Variants in MSL2 observed in about 807,000 individuals in gnomAD.
The protein encoded by MSL2 is E3 ubiquitin-protein ligase MSL2.
A neutral mutation model predicts 35.8 loss-of-function variants in MSL2; 2 were observed. That is an observed-to-expected ratio of 0.06 (90% confidence interval 0.02 to 0.18). The LOEUF (loss-of-function observed/expected upper bound fraction) is 0.18, where lower values mean the gene tolerates loss of function less well. MSL2 is among the 10% of genes least tolerant of loss of function. The pLI, the probability that MSL2 is intolerant of heterozygous loss-of-function variation, is 1.00. For missense variants in MSL2, 523 were observed against 706.7 expected, an observed-to-expected ratio of 0.74 and a Z score of 2.95; for synonymous variants, 296 against 255.7, an observed-to-expected ratio of 1.16 and a Z score of -1.50.
At chr3:136,174,523 G>A (rs1450600833) in intron 1 of MSL2, among the ~76,000 whole-genome samples, 3 of 152,190 alleles carry the variant, frequency 2.0e-5, no homozygotes, top group Non-Finnish European at 4.4e-5. Context: ...TTGGAAAGAA[G>A]AAATAGGAAC....
Position 136,172,364 on chromosome 3 carries a change from T to C in MSL2, c.143-19626A>G, listed in dbSNP as rs998367289. Among the ~76,000 whole-genome samples, 2 of 152,014 alleles carry C rather than the reference T, an allele frequency of 1.3e-5. 1 individual carries two copies. The highest frequency in any genetic ancestry group is 4.8e-5 in the African/African-American group (2 of 41,378). On this transcript the variant is annotated intron_variant, in intron 1 of 1. Transcript: ENST00000309993. Reference sequence around the variant, plus strand: ...AATGCTTTGGCTCACATACCTCCCATACTCCCCCCACCCAGTTACCTATAC... The same window carrying C: ...AATGCTTTGGCTCACATACCTCCCACACTCCCCCCACCCAGTTACCTATAC...
In MSL2 at chr3:136,148,981, CAGTGAGAAT is replaced by C; in HGVS notation, c.*2157_*2165del. 1 of 152,410 alleles carries C rather than the reference CAGTGAGAAT, an allele frequency of 6.6e-6. No homozygotes were observed. The allele number at this position is 152,410 out of a possible 1,614,324, so 9.4% of individuals were successfully genotyped here. Reference sequence around the variant, plus strand: ...GTAATACAGGTTTCCAAAAATGTGGCAGTGAGAATACCAGCATAAAAAAGAGAAACTTGT... The same window carrying C: ...GTAATACAGGTTTCCAAAAATGTGGCACCAGCATAAAAAAGAGAAACTTGT... On this transcript the variant is annotated 3_prime_UTR_variant, in exon 2 of 2. Coordinates refer to ENST00000309993, the MANE Select transcript of MSL2 (RefSeq NM_018133.4).
intron 1 of MSL2, among the ~76,000 whole-genome samples, chr3:136,165,183 T>A (rs1211496402): frequency 4.8e-4 from 51 of 106,068 alleles, no homozygotes; most frequent in African/African-American, 1.3e-3. Flanking sequence ...CCCAGACTTT[T>A]AAAAAAAAAT....
chr3:136,189,795 C>T (rs1940631850), intron 1 of MSL2, among the ~76,000 whole-genome samples: 1 of 151,588 alleles, frequency 6.6e-6, no homozygotes, highest in South Asian at 2.1e-4. Context: ...TAAAATAGAC[C>T]CTGTTTTAAC....
chr3:136,191,628 C>A (rs963433782), intron 1 of MSL2, among the ~76,000 whole-genome samples: 1 of 152,090 alleles, frequency 6.6e-6, no homozygotes, highest in Non-Finnish European at 1.5e-5. Context: ...AAAACTTTAG[C>A]TGGGCATGAT....
chr3:136,179,097 C>T (rs1940266302), intron 1 of MSL2, among the ~76,000 whole-genome samples: 2 of 151,472 alleles, frequency 1.3e-5, no homozygotes, highest in African/African-American at 4.9e-5. Context: ...AAGCAATCCT[C>T]CCACCTCAGC....
chr3:136,192,583 T>TA (rs59221992), intron 1 of MSL2, among the ~76,000 whole-genome samples: 2,386 of 129,540 alleles, frequency 0.018, 53 homozygotes, highest in African/African-American at 0.055. Flanking sequence ...AAAGCAAAGA[T>TA]AAAAAAAAAA....
intron 1 of MSL2, among the ~76,000 whole-genome samples, chr3:136,172,334 C>A (rs1212216512): frequency 6.6e-6 from 1 of 152,048 alleles, no homozygotes; most frequent in Non-Finnish European, 1.5e-5. Context: ...TCCTCCTCTC[C>A]CTCCAATGCT....
chr3:136,182,091 T>A (rs570333500), intron 1 of MSL2, among the ~76,000 whole-genome samples: 1 of 152,290 alleles, frequency 6.6e-6, no homozygotes, highest in East Asian at 1.9e-4. Context: ...CTAAGTTCTT[T>A]AAATGTTATA....
chr3:136,172,776 TAAAA>T (rs571911175), intron 1 of MSL2, among the ~76,000 whole-genome samples: 3 of 148,596 alleles, frequency 2.0e-5, no homozygotes, highest in Admixed American at 1.3e-4. Flanking sequence ...CAAGAGCTAA[TAAAA>T]AAAAAAGTAC....
chr3:136,189,093 G>A, intron 1 of MSL2, among the ~76,000 whole-genome samples: 2 of 86,984 alleles, frequency 2.3e-5, no homozygotes, highest in African/African-American at 4.6e-5. Flanking sequence ...GCAACATGGT[G>A]AAACCCTGTC....
At chr3:136,163,686 T>G (rs1015090145) in intron 1 of MSL2, among the ~76,000 whole-genome samples, 5 of 152,242 alleles carry the variant, frequency 3.3e-5, no homozygotes, top group Non-Finnish European at 7.3e-5. Context: ...AATCTCATCT[T>G]GAATTGTAAT....
At chr3:136,157,287 A>G (rs376363033) in intron 1 of MSL2, among the ~76,000 whole-genome samples, 1 of 134,918 alleles carries the variant, frequency 7.4e-6, no homozygotes, top group East Asian at 1.9e-4. Flanking sequence ...CGGGCCAATC[A>G]CCTGAGGTCA....
chr3:136,195,866 CGGGAGGGGGCGGGG>C lies in MSL2; in HGVS notation c.-767_-754del. ...AAGTGCGCGGGCCGCCGCCGGCGGG[CGGGAGGGGGCGGGG>C]GGCAAGCCCGGCCGGGCCGCGGCGG... On this transcript the variant is annotated 5_prime_UTR_variant, in exon 1 of 2. Coordinates refer to ENST00000309993, the MANE Select transcript of MSL2 (RefSeq NM_018133.4). 5.2e-6 allele frequency: 5 copies of C among 960,582 alleles called. No homozygotes were observed. The highest frequency in any genetic ancestry group is 6.2e-6 in the Non-Finnish European group (5 of 808,780). The allele number at this position is 960,582 out of a possible 1,614,324, so 59.5% of individuals were successfully genotyped here. A position where few individuals can be genotyped will look rare whatever the true frequency, so the allele number is the denominator to read the frequency against.
At chr3:136,166,794 C>T (rs536412660) in intron 1 of MSL2, among the ~76,000 whole-genome samples, 3 of 152,292 alleles carry the variant, frequency 2.0e-5, no homozygotes, top group Middle Eastern at 3.4e-3. Flanking sequence ...ACAAGGTTAT[C>T]AGTACTCTTG....
At chr3:136,181,180 G>A (rs189625997) in intron 1 of MSL2, among the ~76,000 whole-genome samples, 3 of 151,504 alleles carry the variant, frequency 2.0e-5, no homozygotes, top group African/African-American at 4.9e-5. Context: ...AACAAAAATC[G>A]TGAACCAAAT....
chr3:136,177,384 A>G (rs904236712), intron 1 of MSL2, among the ~76,000 whole-genome samples: 2 of 152,292 alleles, frequency 1.3e-5, no homozygotes, highest in East Asian at 3.9e-4. Context: ...CACTAAAAAT[A>G]ATGCTACAGG....
chr3:136,166,062 TAAAAAAAAAAAAAAA>T (rs34420183), intron 1 of MSL2, among the ~76,000 whole-genome samples: 1 of 80,060 alleles, frequency 1.2e-5, no homozygotes, highest in Non-Finnish European at 2.3e-5. Context: ...TACGTACCAG[TAAAAAAAAAAAAAAA>T]AAAAAAAAAA....
At chr3:136,178,979 CT>C (rs763670751) in intron 1 of MSL2, among the ~76,000 whole-genome samples, 2,026 of 101,790 alleles carry the variant, frequency 0.02, 17 homozygotes, top group Non-Finnish European at 0.026. Flanking sequence ...TGTTGGTTTT[CT>C]TTTTTTTTTT....
Sources: gnomAD v4.1 joint callset for allele counts (sites outside exome capture counted in the v4.1 genomes callset) on GRCh38, gnomAD v4.1.1 for gene constraint, MANE v1.5 for transcripts, NCBI Gene and HGNC (gene_info 2026-07-23, HGNC 2026-07-21) for gene names.